Variants in SLC25A48 observed in about 807,000 individuals in gnomAD.
The protein encoded by SLC25A48 is solute carrier family 25 member 48, also known as CTC-321K16.1.
SLC25A48 carries 29 observed loss-of-function variants against 32.2 expected under a neutral mutation model. The ratio of observed to expected loss-of-function variants is 0.90; its 90% CI spans 0.67 to 1.23. The LOEUF is 1.23. Ranked by LOEUF, SLC25A48 falls within the 50% of genes most tolerant of loss-of-function variation. The probability of loss-of-function intolerance (pLI) is 0.00; values close to 1 mark genes in which losing one functional copy is unlikely to be tolerated. For missense variants in SLC25A48, 399 were observed against 422.7 expected (o/e 0.94, Z 0.49); for synonymous variants, 164 against 172.3 (o/e 0.95, Z 0.38).
chr5:135,783,024 C>A (rs2126623718), intron 3 of SLC25A48, among the ~76,000 whole-genome samples: 1 of 114,182 alleles, frequency 8.8e-6, no homozygotes, highest in African/African-American at 2.6e-5. Context: ...GGTGTTTACA[C>A]CCCCACTGTG....
chr5:135,720,410 A>C (rs745912330), intron 3 of SLC25A48, among the ~76,000 whole-genome samples: 4 of 152,248 alleles, frequency 2.6e-5, no homozygotes, highest in Non-Finnish European at 4.4e-5. Flanking sequence ...CATGTGACAC[A>C]TGCAGCTGCC....
At chr5:135,605,188 A>C (rs1016638665) in intron 1 of SLC25A48, among the ~76,000 whole-genome samples, 1 of 152,248 alleles carries the variant, frequency 6.6e-6, no homozygotes, top group South Asian at 2.1e-4. Flanking sequence ...TATTTATAAC[A>C]TTCTCTATTT....
intron 3 of SLC25A48, among the ~76,000 whole-genome samples, chr5:135,807,216 ATAT>A (rs1238062867): frequency 6.6e-6 from 1 of 150,780 alleles, no homozygotes; most frequent in Non-Finnish European, 1.5e-5. Context: ...TCACCACTAG[ATAT>A]TATAAATATC....
intron 4 of SLC25A48, among the ~76,000 whole-genome samples, chr5:135,857,897 C>T (rs1197852815): frequency 6.6e-6 from 1 of 152,080 alleles, no homozygotes; most frequent in Non-Finnish European, 1.5e-5. Flanking sequence ...TTAAAGGGAT[C>T]CTTAAAGGGC....
At chr5:135,855,528 C>A (rs886284834) in intron 4 of SLC25A48, among the ~76,000 whole-genome samples, 1 of 152,172 alleles carries the variant, frequency 6.6e-6, no homozygotes, top group African/African-American at 2.4e-5. Flanking sequence ...CAAGAACACA[C>A]GATTAGCCAC....
chr5:135,812,830 C>T (rs1757620681), exon 4 of SLC25A48: 1 of 131,752 alleles, frequency 7.6e-6, no homozygotes, highest in Non-Finnish European at 1.7e-5. Context: ...GGGACAGCCA[C>T]TGCAGGCTGC....
chr5:135,769,105 A>G (rs937163628), intron 3 of SLC25A48, among the ~76,000 whole-genome samples: 1 of 151,550 alleles, frequency 6.6e-6, no homozygotes, highest in African/African-American at 2.4e-5. Context: ...ATTGTTTGTA[A>G]TATTCAGGCA....
intron 3 of SLC25A48, among the ~76,000 whole-genome samples, chr5:135,850,930 T>A (rs1288922229): frequency 6.6e-6 from 1 of 152,200 alleles, no homozygotes; most frequent in Admixed American, 6.5e-5. Context: ...CTTTAGACCA[T>A]GCGACCTGAG....
At chr5:135,819,324 C>T (rs1757818994) in intron 4 of SLC25A48, among the ~76,000 whole-genome samples, 1 of 152,070 alleles carries the variant, frequency 6.6e-6, no homozygotes. Flanking sequence ...ACTTACAAAG[C>T]TTAAAGAAAA....
Position 135,583,604 on chromosome 5 carries a change from G to A in SLC25A48, c.-849+4007G>A, listed in dbSNP as rs547157951. ...GAAACTGAGGCCCAGCAATGGGGTT[G>A]ACTGCATACAAGATCTCCCTGTGCA... On this transcript the variant is annotated intron_variant, in intron 1 of 10. Coordinates refer to the SLC25A48 transcript ENST00000646290. 1.5e-3 allele frequency among the ~76,000 whole-genome samples: 226 copies of A among 151,788 alleles called. 1 individual carries two copies. The highest frequency in any genetic ancestry group is 2.6e-3 in the Non-Finnish European group (180 of 67,936).
chr5:135,751,121 C>T (rs1176904426), intron 3 of SLC25A48, among the ~76,000 whole-genome samples: 1 of 152,210 alleles, frequency 6.6e-6, no homozygotes, highest in Non-Finnish European at 1.5e-5. Flanking sequence ...CCAGCCCGTG[C>T]ACTGGCTGGT....
intron 3 of SLC25A48, among the ~76,000 whole-genome samples, chr5:135,712,614 G>T (rs1324674188): frequency 6.6e-6 from 1 of 152,174 alleles, no homozygotes; most frequent in African/African-American, 2.4e-5. Flanking sequence ...GCTTATGCCT[G>T]GTTATTCCCT....
At chr5:135,624,309 C>A (rs1442603484) in intron 1 of SLC25A48, among the ~76,000 whole-genome samples, 1 of 152,110 alleles carries the variant, frequency 6.6e-6, no homozygotes, top group Non-Finnish European at 1.5e-5. Flanking sequence ...ACAAGTGGGA[C>A]ATGCAGGACC....
chr5:135,789,249 T>C (rs1281545036), intron 3 of SLC25A48, among the ~76,000 whole-genome samples: 1 of 30,986 alleles, frequency 3.2e-5, no homozygotes, highest in Non-Finnish European at 1.5e-4. Flanking sequence ...GTGGGTGGTG[T>C]TACTTTCCAT....
chr5:135,667,594 A>C (rs1037505165), intron 3 of SLC25A48, among the ~76,000 whole-genome samples: 12 of 152,120 alleles, frequency 7.9e-5, no homozygotes, highest in African/African-American at 2.9e-4. Flanking sequence ...TTGGAATATA[A>C]TTTGGCTTCG....
chr5:135,602,101 C>T (rs944662515), intron 1 of SLC25A48, among the ~76,000 whole-genome samples: 1 of 152,202 alleles, frequency 6.6e-6, no homozygotes, highest in Non-Finnish European at 1.5e-5. Flanking sequence ...ATAATGTGTA[C>T]AGAGCCAGGG....
At chr5:135,806,848 T>G (rs1337314033) in intron 3 of SLC25A48, among the ~76,000 whole-genome samples, 1 of 150,272 alleles carries the variant, frequency 6.7e-6, no homozygotes, top group Non-Finnish European at 1.5e-5. Flanking sequence ...CATTAGGTAT[T>G]ATAAAATCAT....
intron 1 of SLC25A48, among the ~76,000 whole-genome samples, chr5:135,594,183 C>A (rs1449233285): frequency 6.6e-6 from 1 of 152,194 alleles, no homozygotes; most frequent in East Asian, 1.9e-4. Flanking sequence ...TTTCTGAGGA[C>A]CTGAGTATAA....
chr5:135,664,195 G>T (rs1202731836), intron 3 of SLC25A48, among the ~76,000 whole-genome samples: 4 of 152,212 alleles, frequency 2.6e-5, no homozygotes, highest in Non-Finnish European at 5.9e-5. Flanking sequence ...CCCATGGAAG[G>T]CTGGGCTGGG....
Sources: allele counts gnomAD v4.1 joint callset (sites outside exome capture counted in the v4.1 genomes callset), GRCh38; gene constraint gnomAD v4.1.1; transcripts MANE v1.5; gene names NCBI Gene and HGNC (gene_info 2026-07-23, HGNC 2026-07-21).